The following TAF3 variants were observed in gnomAD, a reference collection of about 807,000 sequenced individuals.
The protein encoded by TAF3 is TATA-box binding protein associated factor 3.
TAF3 carries 7 observed loss-of-function variants against 80.6 expected under a neutral mutation model. That is an observed-to-expected ratio of 0.09 (90% CI 0.05 to 0.16). The LOEUF (loss-of-function observed/expected upper bound fraction) is 0.16, where lower values mean the gene tolerates loss of function less well. Ranked by LOEUF, TAF3 falls within the 10% of genes least tolerant of loss-of-function variation. The pLI, the probability that TAF3 is intolerant of heterozygous loss-of-function variation, is 1.00. For synonymous variants in TAF3, 444 were observed against 446.1 expected (o/e 1.00, Z 0.06); for missense variants, 921 against 1,140.2 (o/e 0.81, Z 2.77).
chr10:7,879,080 T>C (rs958005192), intron 2 of TAF3, among the ~76,000 whole-genome samples: 3 of 152,314 alleles, frequency 2.0e-5, no homozygotes, highest in Non-Finnish European at 2.9e-5. Flanking sequence ...AATACAGATA[T>C]CTTTTTGAAG....
intron 2 of TAF3, among the ~76,000 whole-genome samples, chr10:7,895,538 G>A (rs576611769): frequency 6.6e-6 from 1 of 152,268 alleles, no homozygotes; most frequent in East Asian, 1.9e-4. Flanking sequence ...CATCTATGCT[G>A]CTGAGTTGTC....
At chr10:7,880,738 G>T (rs953005308) in intron 2 of TAF3, among the ~76,000 whole-genome samples, 7 of 151,844 alleles carry the variant, frequency 4.6e-5, no homozygotes, top group African/African-American at 1.7e-4. Context: ...GACCACCAAG[G>T]TTATCAGATT....
At chr10:7,844,241 T>C (rs1836946944) in intron 2 of TAF3, among the ~76,000 whole-genome samples, 1 of 152,228 alleles carries the variant, frequency 6.6e-6, no homozygotes, top group African/African-American at 2.4e-5. Flanking sequence ...AAATTTAAAT[T>C]ACTGTCCATT....
Position 7,987,153 on chromosome 10 carries a change from C to G in TAF3, c.2315+9830C>G, listed in dbSNP as rs115968383. 5.8e-3 allele frequency among the ~76,000 whole-genome samples: 883 copies of G among 152,214 alleles called. 11 individuals are homozygous for G. Among genetic ancestry groups the G allele is most frequent in the African/African-American group, 0.02 (842 of 41,526 alleles). On this transcript the variant is annotated intron_variant, in intron 4 of 6. Coordinates refer to ENST00000344293, the MANE Select transcript of TAF3 (RefSeq NM_031923.4). ...CCTGGGCAACGTGACAAGATCCTGT[C>G]TCTACAAAAAATAGAAAAATTAGCC... is the stretch of plus-strand genomic sequence containing the variant.
At position 8,015,703 on chromosome 10, in the gene TAF3, CATG is replaced by C. The variant is rs775118575; in HGVS notation, c.*953_*955del. 3 of 152,114 alleles carry C rather than the reference CATG, an allele frequency of 2.0e-5. No homozygotes were observed. Among genetic ancestry groups the C allele is most frequent in the Admixed American group, 1.3e-4 (2 of 15,278 alleles). 9.4% of individuals were successfully genotyped at this position (152,114 alleles called of 1,614,324 possible). A position where few individuals can be genotyped will look rare whatever the true frequency, so the allele number is the denominator to read the frequency against. On this transcript the variant is annotated 3_prime_UTR_variant, in exon 7 of 7. Coordinates refer to ENST00000344293, the MANE Select transcript of TAF3 (RefSeq NM_031923.4). ...GCTCAGCCTGCGCAGTGCCCGGAAA[CATG>C]GTGGGGAAAGGGCCCGAGCAGTTGG...
At chr10:7,935,225 C>G (rs1357724992) in intron 2 of TAF3, among the ~76,000 whole-genome samples, 3 of 151,882 alleles carry the variant, frequency 2.0e-5, no homozygotes, top group Non-Finnish European at 4.4e-5. Flanking sequence ...TGCAGTGAGC[C>G]AAGATCGTGC....
At chr10:7,966,154 C>CA (rs1457475758) in intron 3 of TAF3, among the ~76,000 whole-genome samples, 3 of 152,336 alleles carry the variant, frequency 2.0e-5, no homozygotes, top group Non-Finnish European at 4.4e-5. Context: ...AAAACCACGG[C>CA]ACTATTTTAA....
rs372458646 is a variant in TAF3, at chr10:7,857,647, G to T, written c.409+33087G>T. ...TGTTTGTGAGTTATTTCATGAAAGG[G>T]TAATTGTATTTTGATTTGAGGGAAA... On this transcript the variant is annotated intron_variant, in intron 2 of 6. Transcript: ENST00000344293. Among the ~76,000 whole-genome samples, 26 of 152,310 alleles carry T rather than the reference G, an allele frequency of 1.7e-4. No individual in the cohort carries two copies. In the South Asian group the frequency reaches 5.4e-3, roughly 32 times the overall value.
intron 2 of TAF3, among the ~76,000 whole-genome samples, chr10:7,896,178 G>T (rs1837502616): frequency 6.6e-6 from 1 of 152,048 alleles, no homozygotes; most frequent in Non-Finnish European, 1.5e-5. Flanking sequence ...ATGCTAGTAA[G>T]GTAAAAACAA....
chr10:8,014,712 G>A lies in TAF3; in HGVS notation c.2751G>A (p.Lys917=). The change falls in exon 7 of 7, where the codon AAG becomes AAA. Residue 917 remains lysine, a synonymous_variant. Coordinates refer to ENST00000344293, the MANE Select transcript of TAF3 (RefSeq NM_031923.4). ...GCCCCAAGTGTGCGAACAAGAAGAAGGACAAAAAGCACAAGAAGAGGAAGC... is the reference window on the plus strand; with the variant it reads ...GCCCCAAGTGTGCGAACAAGAAGAAAGACAAAAAGCACAAGAAGAGGAAGC... ...WFCPKCANKK[K]DKKHKKRKHR... The A allele has an allele frequency of 6.2e-7, 1 of 1,609,946 alleles. No homozygotes were observed.
At chr10:7,851,803 A>T (rs1373416150) in intron 2 of TAF3, among the ~76,000 whole-genome samples, 1 of 152,024 alleles carries the variant, frequency 6.6e-6, no homozygotes, top group Non-Finnish European at 1.5e-5. Flanking sequence ...TTTTGTTTTC[A>T]AGACAGGGTC....
At chr10:7,924,574 C>T (rs1046183995) in intron 2 of TAF3, among the ~76,000 whole-genome samples, 4 of 152,168 alleles carry the variant, frequency 2.6e-5, no homozygotes, top group Non-Finnish European at 4.4e-5. Flanking sequence ...TTTCCTAACA[C>T]GGAACTTATT....
chr10:7,836,779 C>A (rs1401903944), intron 2 of TAF3, among the ~76,000 whole-genome samples: 4 of 152,152 alleles, frequency 2.6e-5, no homozygotes, highest in Non-Finnish European at 5.9e-5. Flanking sequence ...TTGTTTAAAC[C>A]TTTATCTCTT....
chr10:7,911,286 G>A (rs1837654972), intron 2 of TAF3, among the ~76,000 whole-genome samples: 1 of 152,248 alleles, frequency 6.6e-6, no homozygotes, highest in Non-Finnish European at 1.5e-5. Context: ...GTCAGTCAGT[G>A]AAATCTGGCC....
intron 4 of TAF3, among the ~76,000 whole-genome samples, chr10:7,991,399 G>A (rs1225651289): frequency 6.6e-6 from 1 of 151,648 alleles, no homozygotes; most frequent in Non-Finnish European, 1.5e-5. Context: ...TTGCAGTATG[G>A]AAAAACACAT....
chr10:7,865,745 T>A (rs2131140769), intron 2 of TAF3, among the ~76,000 whole-genome samples: 1 of 152,338 alleles, frequency 6.6e-6, no homozygotes, highest in East Asian at 1.9e-4. Flanking sequence ...TTCTCTTGAA[T>A]GGACAGTACT....
rs149276226 is a variant in TAF3, at chr10:8,006,059, G to A, written c.2316-3019G>A. Among the ~76,000 whole-genome samples the A allele has an allele frequency of 1.8e-4, 28 of 152,242 alleles. No individual in the cohort carries two copies. In the East Asian group the frequency reaches 4.2e-3, roughly 23 times the overall value. On this transcript the variant is annotated intron_variant, in intron 4 of 6. Transcript: ENST00000344293. ...TGAAAAACAAACAAGGCCGGGCACCGTGGCTTACGCCTGTAATCTCAGCAC... is the reference window on the plus strand; with the variant it reads ...TGAAAAACAAACAAGGCCGGGCACCATGGCTTACGCCTGTAATCTCAGCAC...
intron 2 of TAF3, among the ~76,000 whole-genome samples, chr10:7,830,576 T>A (rs765523300): frequency 7.6e-6 from 1 of 130,920 alleles, no homozygotes; most frequent in Non-Finnish European, 1.6e-5. Context: ...CTCCACCTCC[T>A]GGGTTCAAGC....
chr10:7,843,998 C>T (rs527429962), intron 2 of TAF3, among the ~76,000 whole-genome samples: 10 of 152,102 alleles, frequency 6.6e-5, no homozygotes, highest in Non-Finnish European at 1.5e-4. Flanking sequence ...AATTAAATGT[C>T]AAAGAATGTT....
Sources: gnomAD v4.1 joint callset for allele counts (sites outside exome capture counted in the v4.1 genomes callset) on GRCh38, gnomAD v4.1.1 for gene constraint, MANE v1.5 for transcripts, NCBI Gene and HGNC (gene_info 2026-07-23, HGNC 2026-07-21) for gene names.